The following TRPM3 variants were observed in gnomAD, a reference collection of about 807,000 sequenced individuals.
TRPM3 encodes long transient receptor potential channel 3.
TRPM3 carries 77 observed loss-of-function variants against 181.2 expected under a neutral mutation model. The ratio of observed to expected loss-of-function variants is 0.42; its 90% confidence interval spans 0.35 to 0.51. The LOEUF is 0.51. Among genes scored for constraint, TRPM3 ranks in the 20% least tolerant of loss-of-function variants. The pLI is 0.01. For synonymous variants in TRPM3, 745 were observed against 796.4 expected (o/e 0.94, Z 1.09); for missense variants, 1,759 against 2,196.7 (o/e 0.80, Z 3.98).
At chr9:71,373,292 T>C (rs1423743493) in intron 1 of TRPM3, among the ~76,000 whole-genome samples, 3 of 136,548 alleles carry the variant, frequency 2.2e-5, no homozygotes, top group Non-Finnish European at 3.1e-5. Context: ...GTGAAGGAAA[T>C]AGAGACATGA....
chr9:70,690,825 T>G (rs1052610443), intron 8 of TRPM3, among the ~76,000 whole-genome samples: 3 of 152,182 alleles, frequency 2.0e-5, no homozygotes, highest in African/African-American at 7.2e-5. Context: ...TGTTTTCTCT[T>G]TGGCGTAATT....
chr9:71,096,588 A>ACT (rs1256142555), intron 1 of TRPM3, among the ~76,000 whole-genome samples: 36 of 96,942 alleles, frequency 3.7e-4, no homozygotes, highest in African/African-American at 7.4e-4. Context: ...ACACACACAC[A>ACT]CACTCTCTCT....
intron 1 of TRPM3, among the ~76,000 whole-genome samples, chr9:71,145,157 GA>G (rs2075334677): frequency 6.6e-6 from 1 of 152,094 alleles, no homozygotes; most frequent in Admixed American, 6.6e-5. Context: ...TAATTATAAT[GA>G]AGAGCAAAGA....
chr9:71,048,206 T>C (rs574161132), intron 1 of TRPM3, among the ~76,000 whole-genome samples: 127 of 152,300 alleles, frequency 8.3e-4, no homozygotes, highest in South Asian at 1.7e-3. Flanking sequence ...ATTTTCATCA[T>C]TCCATCCCCT....
chr9:71,004,535 T>A (rs2097652731), intron 1 of TRPM3, among the ~76,000 whole-genome samples: 1 of 152,192 alleles, frequency 6.6e-6, no homozygotes, highest in African/African-American at 2.4e-5. Context: ...GGAGGTCTCC[T>A]CCTATATGCA....
chr9:70,922,234 C>T (rs1460218853), intron 1 of TRPM3, among the ~76,000 whole-genome samples: 1 of 152,064 alleles, frequency 6.6e-6, no homozygotes, highest in Non-Finnish European at 1.5e-5. Context: ...AACTACATTC[C>T]TTTTTTATCA....
rs1191610512 is a variant in TRPM3 at position 70,686,691 on chromosome 9, T to TTCCTTCCTGGAAAC, written c.1273-5114_1273-5113insGTTTCCAGGAAGGA. ...TCCTGGAAACTCCTTCCTTCTTTCC[T>TTCCTTCCTGGAAAC]TCCTTCCTTCCTTCCTTCCTTCCTT... On this transcript the variant is annotated intron_variant, in intron 8 of 25. Transcript: ENST00000677713. 1.7e-4 allele frequency among the ~76,000 whole-genome samples: 7 copies of TTCCTTCCTGGAAAC among 40,566 alleles called. No homozygotes were observed. The East Asian group carries it at 3.5e-3, about 21-fold the overall frequency. The allele number at this position is 40,566 out of a possible 152,430, so 26.6% of individuals were successfully genotyped here. A position where few individuals can be genotyped will look rare whatever the true frequency, so the allele number is the denominator to read the frequency against.
At chr9:71,118,453 A>C (rs2072910492) in intron 1 of TRPM3, among the ~76,000 whole-genome samples, 1 of 152,208 alleles carries the variant, frequency 6.6e-6, no homozygotes, top group African/African-American at 2.4e-5. Context: ...TTATGAAGCC[A>C]TTTCTAAATA....
chr9:71,423,824 ACTTTGGACC>A, intron 1 of TRPM3, among the ~76,000 whole-genome samples: 1 of 152,174 alleles, frequency 6.6e-6, no homozygotes, highest in Middle Eastern at 3.4e-3. Context: ...CCCGGAGATG[ACTTTGGACC>A]CTTATGAGCC....
chr9:70,842,327 C>A (rs2094725061), intron 5 of TRPM3, among the ~76,000 whole-genome samples: 1 of 152,012 alleles, frequency 6.6e-6, no homozygotes, highest in Non-Finnish European at 1.5e-5. Context: ...TTAAGATTTG[C>A]AAAGGGCAGG....
At chr9:70,596,993 G>T (rs1265309039) in intron 21 of TRPM3, among the ~76,000 whole-genome samples, 1 of 152,050 alleles carries the variant, frequency 6.6e-6, no homozygotes, top group Non-Finnish European at 1.5e-5. Flanking sequence ...GGAGTGCAAT[G>T]GTGTGATCTT....
At chr9:71,038,980 T>C (rs1450836300) in intron 1 of TRPM3, among the ~76,000 whole-genome samples, 1 of 152,146 alleles carries the variant, frequency 6.6e-6, no homozygotes, top group Non-Finnish European at 1.5e-5. Context: ...CCTCAGTGCA[T>C]TAATAAATCA....
At chr9:71,134,011 GTGTGCGCGT>G (rs2074578641) in intron 1 of TRPM3, among the ~76,000 whole-genome samples, 1 of 130,642 alleles carries the variant, frequency 7.7e-6, no homozygotes, top group African/African-American at 2.9e-5. Flanking sequence ...GTGTGTGTGT[GTGTGCGCGT>G]GCGCGCGCGC....
intron 1 of TRPM3, among the ~76,000 whole-genome samples, chr9:71,231,097 T>G (rs2081021658): frequency 6.6e-6 from 1 of 152,196 alleles, no homozygotes; most frequent in Admixed American, 6.5e-5. Flanking sequence ...TACATACTGA[T>G]GTAGGCTGAA....
chr9:71,094,891 T>A lies in TRPM3; in HGVS notation c.177+26287A>T, dbSNP rs11142687. Among the ~76,000 whole-genome samples the A allele has an allele frequency of 0.012, 1,887 of 152,270 alleles. 115 individuals are homozygous for A. In the East Asian group the frequency reaches 0.19, roughly 15 times the overall value. ...CACACTCGACTCGGCAATATAATGT[T>A]GATCTTATGGGATACAGTTAGGGTT... On this transcript the variant is annotated intron_variant, in intron 1 of 25. Transcript: ENST00000677713.
intron 1 of TRPM3, among the ~76,000 whole-genome samples, chr9:71,006,543 C>A (rs1462973805): frequency 1.3e-5 from 2 of 152,024 alleles, no homozygotes. Flanking sequence ...AGCAAAATCC[C>A]CACAGGAGAA....
chr9:71,215,047 CAAAAA>C (rs72383590), intron 1 of TRPM3, among the ~76,000 whole-genome samples: 2,100 of 112,618 alleles, frequency 0.019, 67 homozygotes, highest in African/African-American at 0.073. Flanking sequence ...AAAAAAAAAA[CAAAAA>C]AAAAAAAAAA....
chr9:71,252,847 C>CTCTT (rs1554854926), intron 1 of TRPM3, among the ~76,000 whole-genome samples: 22 of 84,762 alleles, frequency 2.6e-4, no homozygotes, highest in East Asian at 7.0e-4. Context: ...AATTTTGTCT[C>CTCTT]TTTTTTTTTT....
chr9:70,910,154 T>C (rs2096524075), intron 1 of TRPM3, among the ~76,000 whole-genome samples: 1 of 152,216 alleles, frequency 6.6e-6, no homozygotes, highest in Non-Finnish European at 1.5e-5. Flanking sequence ...ACACAAGTTT[T>C]TATCAATAAT....
Sources: gnomAD v4.1 joint callset for allele counts (sites outside exome capture counted in the v4.1 genomes callset) on GRCh38, gnomAD v4.1.1 for gene constraint, MANE v1.5 for transcripts, NCBI Gene and HGNC (gene_info 2026-07-23, HGNC 2026-07-21) for gene names.